The following WDR90 variants were observed in gnomAD, a reference collection of about 807,000 sequenced individuals.
WDR90 encodes the protein WD repeat domain 90, also known as WD repeat-containing protein 90.
WDR90 carries 238 observed loss-of-function variants against 195.2 expected under a neutral mutation model. The ratio of observed to expected loss-of-function variants is 1.22; its 90% CI spans 1.10 to 1.36. The LOEUF is 1.36. Ranked by LOEUF, WDR90 falls within the 40% of genes most tolerant of loss-of-function variation. The pLI is 0.00. For missense variants in WDR90, 2,734 were observed against 2,439.5 expected, an observed-to-expected ratio of 1.12 and a Z score of -2.54; for synonymous variants, 1,265 against 1,052.4, an observed-to-expected ratio of 1.20 and a Z score of -3.91.
At chr16:657,441 G>A in intron 20 of WDR90, 2 of 818,478 alleles carry the variant, frequency 2.4e-6, no homozygotes, top group South Asian at 3.8e-5. Context: ...TCTGTGCCCA[G>A]GAGGCGGCAG....
chr16:659,578 G>A (rs1158888928), intron 26 of WDR90, among the ~76,000 whole-genome samples: 1 of 152,158 alleles, frequency 6.6e-6, no homozygotes, highest in Non-Finnish European at 1.5e-5. Context: ...GTGGGGTCGG[G>A]ATGGGGGCAG....
intron 7 of WDR90, 145 bp from the exon 8 acceptor site, chr16:651,499 C>T: frequency 4.0e-6 from 4 of 1,000,098 alleles, no homozygotes; most frequent in Non-Finnish European, 5.9e-6. Context: ...CTTTCAGGGC[C>T]TAGGGTGGAA....
At position 667,433 on chromosome 16, in the gene WDR90, G is replaced by A. The variant is rs1271623632; in HGVS notation, c.5091G>A (p.Glu1697=). Residue 1697 remains glutamate, a splice_region_variant and synonymous_variant, in exon 41 of 41, where the codon GAG becomes GAA. Coordinates refer to ENST00000293879, the MANE Select transcript of WDR90 (RefSeq NM_145294.5). Reference sequence around the variant, plus strand: ...CCCACCTGCACCGTCTACCCACAGAGTGCATGCTGAGGCTGGTAGACTGTG... The same window carrying A: ...CCCACCTGCACCGTCTACCCACAGAATGCATGCTGAGGCTGGTAGACTGTG... ...GTHLLAVGFA[E]CMLRLVDCAM... is the part of the protein sequence containing the mutation. The A allele has an allele frequency of 6.3e-7, 1 of 1,598,082 alleles. No homozygotes were observed. Among genetic ancestry groups the A allele is most frequent in the Admixed American group, 1.7e-5 (1 of 59,696 alleles).
intron 34 of WDR90, among the ~76,000 whole-genome samples, chr16:663,787 T>G (rs577500303): frequency 7.2e-5 from 11 of 152,328 alleles, no homozygotes; most frequent in Admixed American, 6.5e-4. Context: ...GCTGCAGCCT[T>G]AGGAGAGGTG....
Position 658,528 on chromosome 16 carries a change from C to G in WDR90, c.2770C>G (p.Pro924Ala), listed in dbSNP as rs779264930. 7.5e-6 allele frequency: 12 copies of G among 1,609,080 alleles called. No homozygotes were observed. Among genetic ancestry groups the G allele is most frequent in the Non-Finnish European group, 1.0e-5 (12 of 1,177,158 alleles). Residue 924 changes from proline (P) to alanine (A), a missense_variant, in exon 23 of 41, where the codon CCC (proline) becomes GCC (alanine). Transcript: ENST00000293879. The part of the protein sequence containing the change: ...AVSGRIIREL[P>A]GVHPEPCPSL... ...TCCCAAGAGCACTGTGTTCCAGCTGCCCGGTGTCCACCCTGAGCCCTGCCC... is the reference window on the plus strand; with the variant it reads ...TCCCAAGAGCACTGTGTTCCAGCTGGCCGGTGTCCACCCTGAGCCCTGCCC...
chr16:658,727 G>A lies in WDR90; in HGVS notation c.2895+74G>A, dbSNP rs937200098. ...GGTGGCCCTGGAGACCCCTGCAGGTGTGGGTGGGGGCAGGGAGAGCAGAAG... is the reference window on the plus strand; with the variant it reads ...GGTGGCCCTGGAGACCCCTGCAGGTATGGGTGGGGGCAGGGAGAGCAGAAG... On this transcript the variant is annotated intron_variant, in intron 23 of 40. Coordinates refer to ENST00000293879, the MANE Select transcript of WDR90 (RefSeq NM_145294.5). The A allele has an allele frequency of 4.4e-6, 7 of 1,574,748 alleles. No individual in the cohort carries two copies. In the South Asian group the frequency reaches 4.6e-5, roughly 10 times the overall value.
At chr16:665,829 C>A in intron 35 of WDR90, 28 bp downstream of exon 35, 1 of 1,451,718 alleles carries the variant, frequency 6.9e-7, no homozygotes. Flanking sequence ...GGGCCGGGGG[C>A]GGGATGGGGG....
In WDR90 at chr16:651,903, C is replaced by T. The variant is rs199867382; in HGVS notation, c.917C>T (p.Ala306Val). 8.7e-6 allele frequency: 14 copies of T among 1,610,868 alleles called. No individual in the cohort carries two copies. The highest frequency in any genetic ancestry group is 6.7e-5 in the African/African-American group (5 of 74,922). The stretch of plus-strand genomic sequence containing the variant: ...CAAGAGCGCTCAGACGCCTCCAACG[C>T]GGATGGCCCCGGTTTCCATAGCCTT... ...LSQERSDASN[A>V]DGPGFHSLEP... Residue 306 changes from alanine to valine, a missense_variant, in exon 9 of 41, where the codon GCG becomes GTG. By Grantham distance (64) the Ala-to-Val change is moderately conservative. Coordinates refer to ENST00000293879, the MANE Select transcript of WDR90 (RefSeq NM_145294.5).
chr16:653,856 C>A, intron 13 of WDR90, 53 bp downstream of exon 13: 1 of 1,601,718 alleles, frequency 6.2e-7, no homozygotes, highest in African/African-American at 1.3e-5. Context: ...TGCACGCAGA[C>A]AGCTGGAAGG....
chr16:661,000 GCCCC>G lies in WDR90; in HGVS notation c.3392-39_3392-36del, dbSNP rs1162402927. 77 of 18,262 alleles carry G rather than the reference GCCCC, an allele frequency of 4.2e-3. 1 individual carries two copies. The highest frequency in any genetic ancestry group is 0.027 in the East Asian group (9 of 334). The allele number at this position is 18,262 out of a possible 1,614,324, so 1.1% of individuals were successfully genotyped here. ...TCGGCCCCTCCCCAGGCCCCTCCCC[GCCCC>G]CCCCCCCCCCCGGCCCGGCCTCAGG... On this transcript the variant is annotated intron_variant, in intron 28 of 40. Transcript: ENST00000293879.
Position 651,842 on chromosome 16 carries a change from T to C in WDR90, c.856T>C (p.Leu286=). 6.2e-7 allele frequency: 1 copy of C among 1,610,414 alleles called. No individual in the cohort carries two copies. Among genetic ancestry groups the C allele is most frequent in the South Asian group, 1.1e-5 (1 of 91,060 alleles). Residue 286 remains leucine (L), a synonymous_variant, in exon 9 of 41, where the codon TTG becomes CTG. Coordinates refer to ENST00000293879, the MANE Select transcript of WDR90 (RefSeq NM_145294.5). The part of the protein sequence containing the change: ...PSPTASGRAA[L]APRPFPEVSL... ...CCCCCAGCAGTCCGGCCGGGCCGCCTTGGCACCCAGGCCCTTCCCGGAGGT... is the reference window on the plus strand; with the variant it reads ...CCCCCAGCAGTCCGGCCGGGCCGCCCTGGCACCCAGGCCCTTCCCGGAGGT...
intron 19 of WDR90, 71 bp from the exon 20 acceptor site, chr16:657,020 T>C: frequency 6.4e-7 from 1 of 1,572,326 alleles, no homozygotes; most frequent in Non-Finnish European, 8.6e-7. Context: ...GCTGGTTGGC[T>C]GGAGGTCGAG....
Position 661,378 on chromosome 16 carries a change from G to T in WDR90, c.3550G>T (p.Ala1184Ser), listed in dbSNP as rs376754744. The change falls in exon 30 of 41, where the codon GCC becomes TCC. Residue 1184 changes from alanine to serine, a missense_variant. Ala to Ser is a moderately conservative substitution (Grantham distance 99). Coordinates refer to ENST00000293879, the MANE Select transcript of WDR90 (RefSeq NM_145294.5). ...TGCCTCGGGCCGAAGCAGCACGACC[G>T]CCCATTGTCAGATCCGCGTCTGGGA... Reference protein sequence around the residue: ...ASASGRSSTTAHCQIRVWDVS... With the variant: ...ASASGRSSTTSHCQIRVWDVS... 3 of 1,610,414 alleles carry T rather than the reference G, an allele frequency of 1.9e-6. No individual in the cohort carries two copies. Among genetic ancestry groups the T allele is most frequent in the Non-Finnish European group, 2.5e-6 (3 of 1,179,600 alleles).
intron 34 of WDR90, chr16:663,420 A>AGAGT (rs35647325): frequency 0.51 from 103,041 of 200,100 alleles, 31,387 homozygotes; most frequent in East Asian, 0.98. Context: ...CCTGGGCGAC[A>AGAGT]GAGACTCCAT....
At position 659,289 on chromosome 16, in the gene WDR90, G is replaced by T; in HGVS notation, c.3097G>T (p.Glu1033Ter). 6.2e-7 allele frequency: 1 copy of T among 1,604,498 alleles called. No homozygotes were observed. Among genetic ancestry groups the T allele is most frequent in the Non-Finnish European group, 8.5e-7 (1 of 1,176,544 alleles). Residue 1033 changes from glutamate (E) to a stop codon, truncating the protein, a stop_gained, in exon 26 of 41, where the codon GAG (glutamate) becomes TAG (stop). Transcript: ENST00000293879. LOFTEE classifies it high-confidence loss of function. ...PLEDAASRAS[E>*]LPRQQVPKPC... ...GGAGGACGCAGCGTCCAGGGCCAGC[G>T]AGCTCCCCCGGCAGCAGGTCCCCAA...
intron 17 of WDR90, 49 bp downstream of exon 17, chr16:655,938 T>C (rs1490003150): frequency 6.5e-6 from 10 of 1,539,398 alleles, no homozygotes; most frequent in Non-Finnish European, 8.7e-6. Flanking sequence ...CTCGCCTGGA[T>C]GCTGGGGCGG....
chr16:655,612 C>A lies in WDR90; in HGVS notation c.1758C>A (p.Asp586Glu). The change falls in exon 16 of 41, where the codon GAC (aspartate) becomes GAA (glutamate). Residue 586 changes from aspartate (D) to glutamate (E), a missense_variant. Transcript: ENST00000293879. ...GCAGTGGCCACATCTTGGAGATTGA[C>A]TGTCAGCGCATGGTCGTGCGGCATG... ...CSRSGHILEI[D>E]CQRMVVRHAR... is the part of the protein sequence containing the mutation. 6.2e-7 allele frequency: 1 copy of A among 1,607,568 alleles called. No individual in the cohort carries two copies.
chr16:661,247 G>T lies in WDR90; in HGVS notation c.3513+75G>T, dbSNP rs548701266. ...AGAACCCAGCTCCCGGACCGGTGCG[G>T]GTTCTCACCACCAAAGACGGAGCAG... On this transcript the variant is annotated intron_variant, in intron 29 of 40. Transcript: ENST00000293879. 8.5e-6 allele frequency: 13 copies of T among 1,524,360 alleles called. No homozygotes were observed. The South Asian group carries it at 1.1e-4, about 13-fold the overall frequency. The allele number at this position is 1,524,360 out of a possible 1,614,324, so 94.4% of individuals were successfully genotyped here.
intron 31 of WDR90, 26 bp from the exon 32 acceptor site, chr16:661,865 C>A (rs1286221840): frequency 6.2e-7 from 1 of 1,600,086 alleles, no homozygotes; most frequent in African/African-American, 1.3e-5. Context: ...CACTGCTGAC[C>A]CATGGCCACT....
Sources: allele counts gnomAD v4.1 joint callset (sites outside exome capture counted in the v4.1 genomes callset), GRCh38; gene constraint gnomAD v4.1.1; transcripts MANE v1.5; gene names NCBI Gene and HGNC (gene_info 2026-07-23, HGNC 2026-07-21).